Variants in FRAS1 observed in about 807,000 individuals in gnomAD.
FRAS1 encodes the protein extracellular matrix organizing protein FRAS1.
A neutral mutation model predicts 435.2 loss-of-function variants in FRAS1; 290 were observed. The ratio of observed to expected loss-of-function variants is 0.67; its 90% CI spans 0.61 to 0.73. The LOEUF (loss-of-function observed/expected upper bound fraction) is 0.73. Ranked by LOEUF, FRAS1 falls within the 30% of genes least tolerant of loss-of-function variation. FRAS1 has a pLI of 0.00. For synonymous variants in FRAS1, 1,800 were observed against 1,851.0 expected (o/e 0.97, Z 0.71); for missense variants, 4,860 against 5,001.5 (o/e 0.97, Z 0.85).
intron 2 of FRAS1, among the ~76,000 whole-genome samples, chr4:78,182,863 G>A (rs552784019): frequency 7.0e-6 from 1 of 141,862 alleles, no homozygotes; most frequent in Admixed American, 7.3e-5. Flanking sequence ...CTGGGTGGCA[G>A]AGGGAGACCC....
chr4:78,323,369 G>A (rs1417950339), intron 18 of FRAS1, among the ~76,000 whole-genome samples: 2 of 152,134 alleles, frequency 1.3e-5, no homozygotes, highest in East Asian at 3.9e-4. Flanking sequence ...CAGTTTAGCT[G>A]AGTGTTTGCT....
chr4:78,450,439 A>G (rs1188522609), intron 45 of FRAS1, 100 bp downstream of exon 45: 1 of 957,700 alleles, frequency 1.0e-6, no homozygotes, highest in Non-Finnish European at 1.7e-6. Context: ...TAAACTGTGC[A>G]CTCTTTGTTT....
chr4:78,129,632 T>C (rs1327807603), intron 2 of FRAS1, among the ~76,000 whole-genome samples: 2 of 152,154 alleles, frequency 1.3e-5, no homozygotes, highest in African/African-American at 4.8e-5. Context: ...AGGGCCAGCT[T>C]GAGTGATGCA....
chr4:78,326,957 G>A (rs929590610), intron 18 of FRAS1, among the ~76,000 whole-genome samples: 2 of 152,174 alleles, frequency 1.3e-5, no homozygotes, highest in East Asian at 3.9e-4. Flanking sequence ...GATAGGCACT[G>A]CAGGGATCAT....
chr4:78,222,063 GTGGAGCTCTGCCCCCC>G (rs1242959970), intron 2 of FRAS1, among the ~76,000 whole-genome samples: 1 of 152,114 alleles, frequency 6.6e-6, no homozygotes, highest in African/African-American at 2.4e-5. Flanking sequence ...GGGCAGAGCC[GTGGAGCTCTGCCCCCC>G]TGGAGCTCTG....
chr4:78,502,906 T>C (rs537887832), intron 61 of FRAS1, among the ~76,000 whole-genome samples: 1 of 152,312 alleles, frequency 6.6e-6, no homozygotes, highest in East Asian at 1.9e-4. Context: ...CCTAGTTTAT[T>C]GAGAGTTTTT....
intron 61 of FRAS1, among the ~76,000 whole-genome samples, chr4:78,500,140 G>A (rs1720631944): frequency 6.6e-6 from 1 of 152,098 alleles, no homozygotes; most frequent in Non-Finnish European, 1.5e-5. Context: ...GACCATGCTG[G>A]GCATTTTGGT....
rs373912673 is a variant in FRAS1, at chr4:78,335,209, CA to C, written c.2278+1799del. On this transcript the variant is annotated intron_variant, in intron 19 of 73. Coordinates refer to ENST00000512123, the MANE Select transcript of FRAS1 (RefSeq NM_025074.7). Reference sequence around the variant, plus strand: ...ACCCTAAATTTGTGGCTTAAGACAACAATTGTTATATTTCCCAGTTCTGAGG... The same window carrying C: ...ACCCTAAATTTGTGGCTTAAGACAACATTGTTATATTTCCCAGTTCTGAGG... Among the ~76,000 whole-genome samples, 267 of 152,272 alleles carry C rather than the reference CA, an allele frequency of 1.8e-3. 3 individuals are homozygous for C. The highest frequency in any genetic ancestry group is 5.8e-3 in the African/African-American group (240 of 41,540).
chr4:78,328,081 T>C (rs1729789308), intron 18 of FRAS1, among the ~76,000 whole-genome samples: 1 of 152,220 alleles, frequency 6.6e-6, no homozygotes, highest in Admixed American at 6.5e-5. Flanking sequence ...AGCTTATTTC[T>C]AAAATCTAGT....
chr4:78,222,345 C>T (rs1400755411), intron 2 of FRAS1, among the ~76,000 whole-genome samples: 1 of 152,164 alleles, frequency 6.6e-6, no homozygotes, highest in Non-Finnish European at 1.5e-5. Context: ...CATGCGTGTG[C>T]ATTTCATCTC....
chr4:78,451,702 A>C (rs10026662), intron 45 of FRAS1, 70 bp from the exon 46 acceptor site: 939,293 of 1,331,778 alleles, frequency 0.71, 335,086 homozygotes, highest in Non-Finnish European at 0.73. Context: ...AATTGAATTC[A>C]CACCTCTTGC....
Position 78,369,970 on chromosome 4 carries a change from C to A in FRAS1, c.2855C>A (p.Thr952Asn). The A allele has an allele frequency of 6.2e-7, 1 of 1,613,278 alleles. No homozygotes were observed. The highest frequency in any genetic ancestry group is 8.5e-7 in the Non-Finnish European group (1 of 1,179,438). The part of the protein sequence containing the change: ...CAPQYYLDFS[T>N]NTCKECDWSC... The stretch of plus-strand genomic sequence containing the variant: ...CCACAGTACTATCTTGACTTCTCCA[C>A]CAACACGTGCAAAGGTAAAGCTCTT... Residue 952 changes from threonine to asparagine, a missense_variant, in exon 23 of 74, where the codon ACC (threonine) becomes AAC (asparagine). Coordinates refer to ENST00000512123, the MANE Select transcript of FRAS1 (RefSeq NM_025074.7).
intron 58 of FRAS1, among the ~76,000 whole-genome samples, chr4:78,487,654 G>A (rs1720212615): frequency 6.6e-6 from 1 of 152,142 alleles, no homozygotes; most frequent in South Asian, 2.1e-4. Flanking sequence ...GAGAATTCTG[G>A]AGTTGGGAGG....
chr4:78,265,712 A>G (rs116448241), intron 7 of FRAS1, among the ~76,000 whole-genome samples: 1,732 of 152,350 alleles, frequency 0.011, 11 homozygotes, highest in Non-Finnish European at 0.017. Flanking sequence ...GGGAGTGCCT[A>G]GCTGGTCCAG....
intron 2 of FRAS1, among the ~76,000 whole-genome samples, chr4:78,115,662 G>T (rs1290679391): frequency 1.3e-5 from 2 of 152,140 alleles, no homozygotes; most frequent in Admixed American, 1.3e-4. Context: ...ATTTCTGTGG[G>T]ATAGGTGGTG....
chr4:78,325,674 A>T (rs1463518180), intron 18 of FRAS1, among the ~76,000 whole-genome samples: 2 of 152,216 alleles, frequency 1.3e-5, no homozygotes, highest in Non-Finnish European at 2.9e-5. Context: ...GCCATGCCTG[A>T]AGGAAAGCAT....
At chr4:78,254,807 G>GT (rs1725711758) in intron 5 of FRAS1, among the ~76,000 whole-genome samples, 1 of 152,118 alleles carries the variant, frequency 6.6e-6, no homozygotes, top group Non-Finnish European at 1.5e-5. Context: ...TATTTGGCAT[G>GT]TTTTTTAGTT....
chr4:78,243,916 A>G (rs992230640), intron 3 of FRAS1, among the ~76,000 whole-genome samples: 1 of 152,124 alleles, frequency 6.6e-6, no homozygotes, highest in African/African-American at 2.4e-5. Flanking sequence ...TCTTAGTGGA[A>G]ATTAGGCTAA....
chr4:78,427,020 C>T (rs532049756), intron 35 of FRAS1, among the ~76,000 whole-genome samples: 19 of 152,274 alleles, frequency 1.2e-4, no homozygotes, highest in African/African-American at 4.3e-4. Context: ...GGACTTCCTC[C>T]CTGGTATGGT....
Sources: gnomAD v4.1 joint callset for allele counts (sites outside exome capture counted in the v4.1 genomes callset) on GRCh38, gnomAD v4.1.1 for gene constraint, MANE v1.5 for transcripts, NCBI Gene and HGNC (gene_info 2026-07-23, HGNC 2026-07-21) for gene names.